The following LIPA variants were observed in gnomAD, a reference collection of about 807,000 sequenced individuals.
LIPA encodes the protein lipase A, lysosomal acid type, also known as lysosomal acid lipase/cholesteryl ester hydrolase.
Under a neutral mutation model 40.6 loss-of-function variants are expected in LIPA, and 26 were observed. The observed-to-expected ratio is 0.64, with a 90% CI of 0.47 to 0.89. LIPA has a LOEUF of 0.89. Among genes scored for constraint, LIPA ranks in the 40% least tolerant of loss-of-function variants. LIPA has a pLI of 0.00. For synonymous variants in LIPA, 188 were observed against 168.4 expected (o/e 1.12, Z -0.90); for missense variants, 455 against 479.6 (o/e 0.95, Z 0.48).
In LIPA at chr10:89,332,658, C is replaced by G. The variant is rs1278772560; in HGVS notation, c.-2+9953G>C. 3 of 1,607,524 alleles carry G rather than the reference C, an allele frequency of 1.9e-6. No homozygotes were observed. The African/African-American group carries it at 4.0e-5, about 21-fold the overall frequency. ...TAGTCCCTGCTTCTCTGATAGGAAA[C>G]AGAATTTCTTATGTACAACTTCCTG... On this transcript the variant is annotated intron_variant, in intron 1 of 5. Coordinates refer to the LIPA transcript ENST00000282673.
intron 1 of LIPA, among the ~76,000 whole-genome samples, chr10:89,312,114 C>T (rs1173122520): frequency 1.3e-5 from 2 of 152,110 alleles, no homozygotes; most frequent in Non-Finnish European, 2.9e-5. Flanking sequence ...AAGTGGAAAA[C>T]ATGCCTACCA....
chr10:89,316,790 C>T (rs1196202721), intron 1 of LIPA, among the ~76,000 whole-genome samples: 1 of 152,232 alleles, frequency 6.6e-6, no homozygotes, highest in Non-Finnish European at 1.5e-5. Context: ...TAGTCTGTTA[C>T]TCCTCCCTGA....
intron 1 of LIPA, among the ~76,000 whole-genome samples, chr10:89,319,347 C>A (rs1843558514): frequency 6.6e-6 from 1 of 152,100 alleles, no homozygotes; most frequent in Non-Finnish European, 1.5e-5. Context: ...AGAGAAGAAT[C>A]AAATAGATGC....
At chr10:89,354,111 T>A (rs1383355347) in intron 2 of LIPA, among the ~76,000 whole-genome samples, 2 of 152,222 alleles carry the variant, frequency 1.3e-5, no homozygotes, top group Non-Finnish European at 2.9e-5. Flanking sequence ...TTAAGGTTGC[T>A]GCAGAACTGT....
chr10:89,232,511 T>C (rs1180218571), intron 3 of LIPA, among the ~76,000 whole-genome samples: 1 of 152,230 alleles, frequency 6.6e-6, no homozygotes, highest in Admixed American at 6.5e-5. Context: ...TCTGTGCCTC[T>C]GTAGTTAACA....
intron 1 of LIPA, among the ~76,000 whole-genome samples, chr10:89,261,927 G>A (rs111571099): frequency 6.6e-6 from 1 of 152,098 alleles, no homozygotes; most frequent in African/African-American, 2.4e-5. Flanking sequence ...TTCCAATCTC[G>A]CTTTTCAATT....
At chr10:89,409,308 C>A (rs551559659) in intron 2 of LIPA, among the ~76,000 whole-genome samples, 1 of 152,280 alleles carries the variant, frequency 6.6e-6, no homozygotes, top group African/African-American at 2.4e-5. Context: ...AAGACCGCAG[C>A]CTTAGTCGTG....
At chr10:89,261,566 T>C (rs187315561) in intron 1 of LIPA, among the ~76,000 whole-genome samples, 88 of 152,262 alleles carry the variant, frequency 5.8e-4, no homozygotes, top group African/African-American at 2.0e-3. Flanking sequence ...CACATAAAAA[T>C]ATATAATCCT....
At chr10:89,355,619 C>T (rs950314017) in intron 2 of LIPA, among the ~76,000 whole-genome samples, 29 of 152,156 alleles carry the variant, frequency 1.9e-4, no homozygotes, top group African/African-American at 2.7e-4. Context: ...AGAGCTTAGG[C>T]ATTCTTAGTC....
At chr10:89,251,194 G>A (rs1388305542) in intron 1 of LIPA, among the ~76,000 whole-genome samples, 1 of 152,212 alleles carries the variant, frequency 6.6e-6, no homozygotes, top group African/African-American at 2.4e-5. Flanking sequence ...CCCTATGGCA[G>A]TACCATTAAT....
At chr10:89,233,787 A>C (rs1030681030) in intron 3 of LIPA, among the ~76,000 whole-genome samples, 9 of 152,070 alleles carry the variant, frequency 5.9e-5, no homozygotes, top group Non-Finnish European at 1.3e-4. Flanking sequence ...AATTGTTTGA[A>C]CCCAAGAGGT....
intron 1 of LIPA, among the ~76,000 whole-genome samples, chr10:89,293,926 C>A (rs1260824743): frequency 1.3e-5 from 2 of 152,192 alleles, no homozygotes; most frequent in Non-Finnish European, 2.9e-5. Context: ...CAGTCCAAAG[C>A]AGTTGTTTAT....
intron 1 of LIPA, among the ~76,000 whole-genome samples, chr10:89,317,941 C>T (rs1383179613): frequency 1.3e-5 from 2 of 152,112 alleles, no homozygotes; most frequent in African/African-American, 4.8e-5. Context: ...GAATTTTCAA[C>T]CCAGAATTTC....
intron 2 of LIPA, among the ~76,000 whole-genome samples, chr10:89,412,486 A>C (rs1010769185): frequency 5.5e-4 from 84 of 152,174 alleles, no homozygotes; most frequent in African/African-American, 2.0e-3. Flanking sequence ...GAGCCAAATA[A>C]GGGAATAAAA....
chr10:89,337,464 A>T (rs1329344354), intron 1 of LIPA, among the ~76,000 whole-genome samples: 1 of 152,044 alleles, frequency 6.6e-6, no homozygotes, highest in Non-Finnish European at 1.5e-5. Flanking sequence ...TAATGGTGTG[A>T]TCTCAGCTCA....
intron 1 of LIPA, among the ~76,000 whole-genome samples, chr10:89,305,329 T>G (rs980755490): frequency 1.3e-5 from 2 of 152,034 alleles, no homozygotes; most frequent in Non-Finnish European, 2.9e-5. Context: ...ACCAATCTGA[T>G]AAAAGCTCAG....
chr10:89,306,965 T>C (rs1843485090), intron 1 of LIPA: 1 of 1,613,984 alleles, frequency 6.2e-7, no homozygotes, highest in Admixed American at 1.7e-5. Flanking sequence ...CTTCCGTGTC[T>C]GTTCCATTCT....
chr10:89,351,784 C>T (rs1843960743), intron 2 of LIPA, among the ~76,000 whole-genome samples: 1 of 152,142 alleles, frequency 6.6e-6, no homozygotes, highest in African/African-American at 2.4e-5. Flanking sequence ...TTAATTGACC[C>T]ACTCAAAAAA....
intron 2 of LIPA, chr10:89,383,188 C>A (rs898891408): frequency 2.6e-6 from 2 of 778,994 alleles, no homozygotes; most frequent in Non-Finnish European, 4.1e-6. Context: ...ACTGTAGAAC[C>A]CAGAGGGGCA....
Sources: gnomAD v4.1 joint callset for allele counts (sites outside exome capture counted in the v4.1 genomes callset) on GRCh38, gnomAD v4.1.1 for gene constraint, MANE v1.5 for transcripts, NCBI Gene and HGNC (gene_info 2026-07-23, HGNC 2026-07-21) for gene names.